MAP7: variants seen among roughly 807,000 people sequenced by gnomAD.
MAP7 encodes ensconsin.
A neutral mutation model predicts 94.8 loss-of-function variants in MAP7; 52 were observed. The ratio of observed to expected loss-of-function variants is 0.55; its 90% CI spans 0.44 to 0.69. The LOEUF (loss-of-function observed/expected upper bound fraction) is 0.69. Among genes scored for constraint, MAP7 ranks in the 30% least tolerant of loss-of-function variants. The pLI, the probability that MAP7 is intolerant of heterozygous loss-of-function variation, is 0.00. For missense variants in MAP7, 940 were observed against 964.6 expected, an observed-to-expected ratio of 0.97 and a Z score of 0.34; for synonymous variants, 350 against 357.0, an observed-to-expected ratio of 0.98 and a Z score of 0.22.
chr6:136,483,603 T>C (rs1164307279), intron 1 of MAP7, among the ~76,000 whole-genome samples: 3 of 152,126 alleles, frequency 2.0e-5, no homozygotes, highest in Non-Finnish European at 4.4e-5. Context: ...GAATGCGACA[T>C]TTGGCTCCTT....
Position 136,550,370 on chromosome 6 carries a change from G to A in MAP7, c.39C>T (p.Gly13=). ...TTTCGCTTCGCACTGCGCCGTCGCC[G>A]CCCCTGTGGCCGTCGCCGCCAGCTC... The part of the protein sequence containing the change: ...ELGAGGDGHR[G]GDGAVRSETA... Residue 13 remains glycine, a synonymous_variant, in exon 1 of 18, where the codon GGC becomes GGT. Transcript: ENST00000354570. The surrounding 1 kb of genome is among the most constrained non-coding windows in gnomAD (Gnocchi z 5.1). 2.6e-6 allele frequency: 4 copies of A among 1,529,398 alleles called. No individual in the cohort carries two copies. The highest frequency in any genetic ancestry group is 2.6e-6 in the Non-Finnish European group (3 of 1,146,462). The allele number at this position is 1,529,398 out of a possible 1,614,324, so 94.7% of individuals were successfully genotyped here. A position where few individuals can be genotyped will look rare whatever the true frequency, so the allele number is the denominator to read the frequency against.
In MAP7 at chr6:136,388,397, A is replaced by G. The variant is rs1163783001; in HGVS notation, c.522T>C (p.Ser174=). 1.2e-6 allele frequency: 2 copies of G among 1,612,728 alleles called. No individual in the cohort carries two copies. The highest frequency in any genetic ancestry group is 1.7e-6 in the Non-Finnish European group (2 of 1,178,946). The change falls in exon 5 of 18, where the codon AGT becomes AGC. Residue 174 remains serine, a synonymous_variant. Transcript: ENST00000354570. ...GSLHGSPSIH[S]ADPDRRSVST... ...TTCAAAGTGGTCACTGTTTACCTGCACTGTGGATGCTAGGGCTCCCATGGA... is the reference window on the plus strand; with the variant it reads ...TTCAAAGTGGTCACTGTTTACCTGCGCTGTGGATGCTAGGGCTCCCATGGA...
chr6:136,401,057 A>G (rs545366604), intron 3 of MAP7, among the ~76,000 whole-genome samples: 78 of 152,158 alleles, frequency 5.1e-4, no homozygotes, highest in Non-Finnish European at 9.3e-4. Context: ...TTGTATCAGA[A>G]TGATCTCTCA....
At chr6:136,516,633 A>AT (rs1342149820) in intron 1 of MAP7, among the ~76,000 whole-genome samples, 1 of 152,234 alleles carries the variant, frequency 6.6e-6, no homozygotes, top group Non-Finnish European at 1.5e-5. Context: ...ATAGCCGCAA[A>AT]TAACATTTAA....
At chr6:136,434,812 A>T (rs2128818681) in intron 1 of MAP7, among the ~76,000 whole-genome samples, 1 of 152,348 alleles carries the variant, frequency 6.6e-6, no homozygotes, top group Non-Finnish European at 1.5e-5. Context: ...AAAGTGTGCT[A>T]TGTGGCAGGC....
At position 136,361,100 on chromosome 6, in the gene MAP7, C is replaced by T. The variant is rs374218332; in HGVS notation, c.1606G>A (p.Ala536Thr). Reference sequence around the variant, plus strand: ...TCCTCCTTCTCCCGGGCCTGCTCGGCTTCCAGCCTGCGCGACTCCTCCTCA... The same window carrying T: ...TCCTCCTTCTCCCGGGCCTGCTCGGTTTCCAGCCTGCGCGACTCCTCCTCA... ...RREEESRRLE[A>T]EQAREKEEQL... Residue 536 changes from alanine to threonine, a missense_variant, in exon 12 of 18, where the codon GCC becomes ACC. Physicochemically the swap from Ala to Thr is moderately conservative, Grantham distance 58 (BLOSUM62 0). Coordinates refer to ENST00000354570, the MANE Select transcript of MAP7 (RefSeq NM_003980.6). The T allele has an allele frequency of 1.0e-5, 16 of 1,605,230 alleles. No homozygotes were observed. Among genetic ancestry groups the T allele is most frequent in the Non-Finnish European group, 1.3e-5 (15 of 1,179,828 alleles).
chr6:136,377,319 AG>A lies in MAP7; in HGVS notation c.751+435del, dbSNP rs1562329882. On this transcript the variant is annotated intron_variant, in intron 7 of 17. Transcript: ENST00000354570. ...AAAGAATGGCACAGGGAGAAGTAGTAGCTATGCCACAGCCACATTATGAAAC... is the reference window on the plus strand; with the variant it reads ...AAAGAATGGCACAGGGAGAAGTAGTACTATGCCACAGCCACATTATGAAAC... Among the ~76,000 whole-genome samples the A allele has an allele frequency of 2.6e-5, 4 of 152,366 alleles. No individual in the cohort carries two copies. In the South Asian group the frequency reaches 6.2e-4, roughly 24 times the overall value.
chr6:136,442,310 C>T (rs1798099552), intron 1 of MAP7, among the ~76,000 whole-genome samples: 1 of 145,768 alleles, frequency 6.9e-6, no homozygotes, highest in African/African-American at 2.6e-5. Flanking sequence ...GAGGCTGAGA[C>T]AGGAGAACTG....
rs532067138 is a variant in MAP7, at chr6:136,356,593, C to G, written c.2015+99G>C. On this transcript the variant is annotated intron_variant, in intron 16 of 17. Coordinates refer to ENST00000354570, the MANE Select transcript of MAP7 (RefSeq NM_003980.6). ...CAACCAAAAATCAATGAGGCCCCCC[C>G]CAAATAATAAATCCTAATGTTAAGA... 6.6e-5 allele frequency: 59 copies of G among 898,532 alleles called. No homozygotes were observed. In the African/African-American group the frequency reaches 8.7e-4, roughly 13 times the overall value. The allele number at this position is 898,532 out of a possible 1,614,324, so 55.7% of individuals were successfully genotyped here.
intron 1 of MAP7, among the ~76,000 whole-genome samples, chr6:136,512,836 CTTTTTTT>C (rs76348621): frequency 1.5e-5 from 2 of 136,864 alleles, no homozygotes; most frequent in Admixed American, 8.0e-5. Context: ...AATTTCTTCC[CTTTTTTT>C]TTTTTTTTGA....
At chr6:136,456,873 A>AGAAGAAGAAG (rs1803407025) in intron 1 of MAP7, among the ~76,000 whole-genome samples, 1 of 150,288 alleles carries the variant, frequency 6.7e-6, no homozygotes, top group Non-Finnish European at 1.5e-5. Context: ...AAGAAGAAGA[A>AGAAGAAGAAG]ATACTTCAAA....
intron 2 of MAP7, among the ~76,000 whole-genome samples, chr6:136,412,907 T>C (rs1441090301): frequency 6.6e-6 from 1 of 152,192 alleles, no homozygotes; most frequent in African/African-American, 2.4e-5. Flanking sequence ...ACACCTGTAA[T>C]CCTAGCACTT....
chr6:136,449,690 T>C (rs183402723), intron 1 of MAP7, among the ~76,000 whole-genome samples: 11 of 152,304 alleles, frequency 7.2e-5, no homozygotes, highest in Non-Finnish European at 1.3e-4. Flanking sequence ...ACTAAAAATA[T>C]GTAAGGAGTC....
chr6:136,372,774 A>T (rs1774959496), intron 7 of MAP7, 149 bp from the exon 8 acceptor site: 1 of 882,008 alleles, frequency 1.1e-6, no homozygotes, highest in Non-Finnish European at 1.8e-6. Flanking sequence ...AGATGTTATT[A>T]CCTAAAGGTG....
At chr6:136,505,930 A>C (rs1821376751) in intron 1 of MAP7, among the ~76,000 whole-genome samples, 2 of 152,208 alleles carry the variant, frequency 1.3e-5, no homozygotes, top group Non-Finnish European at 2.9e-5. Flanking sequence ...GTATGTTGAT[A>C]TAATCTTTTC....
At chr6:136,451,119 A>C (rs1800979965) in intron 1 of MAP7, among the ~76,000 whole-genome samples, 1 of 152,212 alleles carries the variant, frequency 6.6e-6, no homozygotes, top group Non-Finnish European at 1.5e-5. Context: ...TCTAAACTAG[A>C]AACTCTTATC....
At chr6:136,430,648 T>C (rs1326547149) in intron 1 of MAP7, among the ~76,000 whole-genome samples, 1 of 152,218 alleles carries the variant, frequency 6.6e-6, no homozygotes, top group African/African-American at 2.4e-5. Context: ...TGAACGTTTA[T>C]TCCAACTCAA....
At chr6:136,409,389 T>C (rs565284286) in intron 3 of MAP7, among the ~76,000 whole-genome samples, 2 of 152,010 alleles carry the variant, frequency 1.3e-5, no homozygotes, top group Non-Finnish European at 2.9e-5. Context: ...AAGATCCCAT[T>C]TCAGAGAAAG....
intron 8 of MAP7, among the ~76,000 whole-genome samples, chr6:136,371,719 T>A (rs1021070930): frequency 2.0e-5 from 3 of 152,174 alleles, no homozygotes; most frequent in Non-Finnish European, 4.4e-5. Context: ...CCTTTAAGAC[T>A]AAAGTACAAT....
Sources: allele counts gnomAD v4.1 joint callset (sites outside exome capture counted in the v4.1 genomes callset), GRCh38; gene constraint gnomAD v4.1.1; non-coding constraint Gnocchi (gnomAD v3.1); transcripts MANE v1.5; gene names NCBI Gene and HGNC (gene_info 2026-07-23, HGNC 2026-07-21).